The following FSTL4 variants were observed in gnomAD, a reference collection of about 807,000 sequenced individuals.
The protein encoded by FSTL4 is follistatin like 4, also known as follistatin-related protein 4.
In FSTL4, 28 loss-of-function variants were observed where a neutral mutation model predicts 78.2. The ratio of observed to expected loss-of-function variants is 0.36; its 90% CI spans 0.27 to 0.49. FSTL4 has a LOEUF of 0.49. Ranked by LOEUF, FSTL4 falls within the 20% of genes least tolerant of loss-of-function variation. The probability of loss-of-function intolerance (pLI) is 0.98; values close to 1 mark genes in which losing one functional copy is unlikely to be tolerated. For synonymous variants in FSTL4, 422 were observed against 440.5 expected (o/e 0.96, Z 0.53); for missense variants, 922 against 1,084.9 (o/e 0.85, Z 2.11).
At chr5:133,209,995 C>A in intron 14 of FSTL4, 196 bp downstream of exon 14, 1 of 487,872 alleles carries the variant, frequency 2.0e-6, no homozygotes. Flanking sequence ...TCCTATTCAT[C>A]ATCATTATTG....
chr5:133,727,111 T>C, the FSTL4 span, among the ~76,000 whole-genome samples: 1 of 152,104 alleles, frequency 6.6e-6, no homozygotes, highest in African/African-American at 2.4e-5. Flanking sequence ...GCTAACTATG[T>C]CCCAGACAAA....
intron 3 of FSTL4, among the ~76,000 whole-genome samples, chr5:133,481,430 T>C (rs1452921753): frequency 6.7e-6 from 1 of 148,820 alleles, no homozygotes; most frequent in Non-Finnish European, 1.5e-5. Context: ...TAGTTCCAGA[T>C]ACTTGAGAGG....
chr5:133,661,029 C>A, the FSTL4 span, among the ~76,000 whole-genome samples: 2 of 152,164 alleles, frequency 1.3e-5, no homozygotes, highest in African/African-American at 4.8e-5. Context: ...CTTGCTCTGT[C>A]ACCCAGGCTG....
chr5:133,325,445 C>A (rs755598357), intron 4 of FSTL4, among the ~76,000 whole-genome samples: 9 of 152,298 alleles, frequency 5.9e-5, no homozygotes, highest in African/African-American at 2.2e-4. Context: ...TCTCAGGAGT[C>A]CCCCTTTGAA....
intron 3 of FSTL4, among the ~76,000 whole-genome samples, chr5:133,494,323 A>G (rs982651755): frequency 5.9e-5 from 9 of 151,264 alleles, no homozygotes; most frequent in African/African-American, 2.2e-4. Context: ...ACACTATGTT[A>G]TCCTGCCTAA....
At chr5:133,743,195 C>T in the FSTL4 span, among the ~76,000 whole-genome samples, 1 of 152,138 alleles carries the variant, frequency 6.6e-6, no homozygotes, top group Non-Finnish European at 1.5e-5. Context: ...AGAGTCCAAG[C>T]TCTCATTTCG....
At chr5:133,206,449 C>T (rs906034032) in intron 14 of FSTL4, among the ~76,000 whole-genome samples, 3 of 152,064 alleles carry the variant, frequency 2.0e-5, no homozygotes, top group Admixed American at 6.6e-5. Flanking sequence ...TCCACCTCCA[C>T]CTCCTGGGTT....
chr5:133,224,174 C>A lies in FSTL4; in HGVS notation c.1339+16G>T. 1 of 1,609,566 alleles carries A rather than the reference C, an allele frequency of 6.2e-7. No homozygotes were observed. Among genetic ancestry groups the A allele is most frequent in the Non-Finnish European group, 8.5e-7 (1 of 1,176,274 alleles). ...ACGTGATCACAGGCATGACGCAAAA[C>A]AATGAAGCTTGGTACCTTCCTCTCG... On this transcript the variant is annotated intron_variant, in intron 11 of 15. Transcript: ENST00000265342.
At chr5:133,669,694 C>T in the FSTL4 span, among the ~76,000 whole-genome samples, 122 of 152,252 alleles carry the variant, frequency 8.0e-4, 1 homozygote, top group African/African-American at 2.7e-3. Flanking sequence ...GAGAACCAAG[C>T]GAGTCCAGAG....
the FSTL4 span, among the ~76,000 whole-genome samples, chr5:133,720,083 A>G: frequency 2.0e-4 from 31 of 152,346 alleles, 1 homozygote; most frequent in South Asian, 1.2e-3. Context: ...TAACAGGCCT[A>G]TAACTTTAGC....
chr5:133,820,635 T>C, the FSTL4 span, among the ~76,000 whole-genome samples: 3 of 152,246 alleles, frequency 2.0e-5, no homozygotes, highest in Non-Finnish European at 1.5e-5. Context: ...GGAAGAACAA[T>C]GTGACAGGCT....
At chr5:133,798,490 C>A in the FSTL4 span, among the ~76,000 whole-genome samples, 17 of 149,638 alleles carry the variant, frequency 1.1e-4, no homozygotes, top group Non-Finnish European at 3.0e-5. Flanking sequence ...GTTAGCTAAG[C>A]TGTAAGACTA....
At chr5:133,334,504 T>C (rs1031681978) in intron 4 of FSTL4, among the ~76,000 whole-genome samples, 10 of 152,156 alleles carry the variant, frequency 6.6e-5, no homozygotes, top group African/African-American at 2.2e-4. Context: ...GTCTGGGCAC[T>C]GGTAAGATTC....
intron 4 of FSTL4, among the ~76,000 whole-genome samples, chr5:133,393,631 A>G (rs1561699309): frequency 6.6e-6 from 1 of 152,342 alleles, no homozygotes; most frequent in East Asian, 1.9e-4. Context: ...TCTGGAGAGA[A>G]AGTGGAGGCC....
rs1029768427 is a variant in FSTL4, at chr5:133,333,605, C to T, written c.410-16953G>A. On this transcript the variant is annotated intron_variant, in intron 4 of 15. Transcript: ENST00000265342. ...AGACGTCTGGGCTGGTCATCTATCT[C>T]ATCCAGGGCTGAGAAATGTAGGGAA... Among the ~76,000 whole-genome samples the T allele has an allele frequency of 1.4e-4, 21 of 152,214 alleles. No individual in the cohort carries two copies. The East Asian group carries it at 4.1e-3, about 29-fold the overall frequency.
rs1426680966 is a variant in FSTL4, at chr5:133,236,541, A to C, written c.895-3004T>G. Among the ~76,000 whole-genome samples the C allele has an allele frequency of 6.6e-6, 1 of 152,024 alleles. No individual in the cohort carries two copies. Among genetic ancestry groups the C allele is most frequent in the African/African-American group, 2.4e-5 (1 of 41,384 alleles). ...AGTGGGGTCTTCTCTCACCACCTCC[A>C]TCGCTCCTGCTCTGGCCAGCTGCCA... On this transcript the variant is annotated intron_variant, in intron 7 of 15. Transcript: ENST00000265342. The surrounding 1 kb of genome is among the most constrained non-coding windows in gnomAD (Gnocchi z 5.0).
At chr5:133,724,491 C>T in the FSTL4 span, among the ~76,000 whole-genome samples, 3 of 19,292 alleles carry the variant, frequency 1.6e-4, no homozygotes, top group Non-Finnish European at 9.4e-5. Flanking sequence ...TTTTGTTTTC[C>T]TGGGTGGGGG....
the FSTL4 span, among the ~76,000 whole-genome samples, chr5:133,671,787 G>C: frequency 6.6e-6 from 1 of 152,328 alleles, no homozygotes; most frequent in East Asian, 1.9e-4. Flanking sequence ...TGCTGAGAAA[G>C]GTAAAAACAT....
the FSTL4 span, among the ~76,000 whole-genome samples, chr5:133,709,895 T>A: frequency 6.6e-6 from 1 of 152,218 alleles, no homozygotes; most frequent in Non-Finnish European, 1.5e-5. Context: ...GACACATCTC[T>A]GTAAACTTGC....
Sources: allele counts gnomAD v4.1 joint callset (sites outside exome capture counted in the v4.1 genomes callset), GRCh38; gene constraint gnomAD v4.1.1; non-coding constraint Gnocchi (gnomAD v3.1); transcripts MANE v1.5; gene names NCBI Gene and HGNC (gene_info 2026-07-23, HGNC 2026-07-21).